The following SUCLG2 variants were observed in gnomAD, a reference collection of about 807,000 sequenced individuals.
The protein encoded by SUCLG2 is succinate--CoA ligase [GDP-forming] subunit beta, mitochondrial.
Under a neutral mutation model 47.9 loss-of-function variants are expected in SUCLG2, and 42 were observed. That is an observed-to-expected ratio of 0.88 (90% CI 0.69 to 1.14). The LOEUF (loss-of-function observed/expected upper bound fraction) is 1.14, where lower values mean the gene tolerates loss of function less well. SUCLG2 is among the 50% of genes most tolerant of loss of function. The probability of loss-of-function intolerance (pLI) is 0.00; values close to 1 mark genes in which losing one functional copy is unlikely to be tolerated. For synonymous variants in SUCLG2, 195 were observed against 197.3 expected, an observed-to-expected ratio of 0.99 and a Z score of 0.10; for missense variants, 571 against 525.9, an observed-to-expected ratio of 1.09 and a Z score of -0.84.
chr3:67,637,471 C>T (rs981811072), intron 1 of SUCLG2, among the ~76,000 whole-genome samples: 5 of 152,154 alleles, frequency 3.3e-5, no homozygotes, highest in African/African-American at 9.7e-5. Context: ...GTGAGTCCTT[C>T]AAAAGCTAGG....
At chr3:67,374,285 T>C (rs185273682), downstream of SUCLG2, among the ~76,000 whole-genome samples, 1 of 152,332 alleles carries the variant, frequency 6.6e-6, no homozygotes, top group East Asian at 1.9e-4. Context: ...CAATAATGAC[T>C]TTCATACTTT....
intron 2 of SUCLG2, among the ~76,000 whole-genome samples, chr3:67,551,834 C>T (rs1156484031): frequency 6.6e-6 from 1 of 152,118 alleles, no homozygotes; most frequent in African/African-American, 2.4e-5. Flanking sequence ...TTTATCTTCA[C>T]AGCAGTCCTC....
chr3:67,470,995 T>C (rs1704590694), intron 9 of SUCLG2, among the ~76,000 whole-genome samples: 1 of 152,014 alleles, frequency 6.6e-6, no homozygotes, highest in African/African-American at 2.4e-5. Flanking sequence ...GGGTGATGGG[T>C]TACGCAAAAA....
chr3:67,393,496 C>A, intron 10 of SUCLG2, among the ~76,000 whole-genome samples: 1 of 152,210 alleles, frequency 6.6e-6, no homozygotes. Flanking sequence ...CCCAGGCTTG[C>A]TTACGTAAAC....
intron 10 of SUCLG2, among the ~76,000 whole-genome samples, chr3:67,395,373 C>G (rs1702499852): frequency 6.6e-6 from 1 of 152,138 alleles, no homozygotes; most frequent in Non-Finnish European, 1.5e-5. Flanking sequence ...GGTTGCAATC[C>G]TAGTCTCTGA....
chr3:67,462,139 C>G (rs774694222), intron 9 of SUCLG2, among the ~76,000 whole-genome samples: 1 of 152,120 alleles, frequency 6.6e-6, no homozygotes, highest in Non-Finnish European at 1.5e-5. Flanking sequence ...CACTTTAGGT[C>G]TCAGAAGCAA....
At position 67,375,255 on chromosome 3, in the gene SUCLG2, A is replaced by C; in HGVS notation, c.*489T>G. On this transcript the variant is annotated 3_prime_UTR_variant, in exon 11 of 11. Transcript: ENST00000307227. ...TAGTGTGTAATAGCTATTTGCTTGAATGTCTTAGCAGTGCCTTTTTAGTAG... is the reference window on the plus strand; with the variant it reads ...TAGTGTGTAATAGCTATTTGCTTGACTGTCTTAGCAGTGCCTTTTTAGTAG... The C allele has an allele frequency of 1.0e-6, 1 of 985,870 alleles. No homozygotes were observed. The highest frequency in any genetic ancestry group is 1.2e-6 in the Non-Finnish European group (1 of 829,934). The allele number at this position is 985,870 out of a possible 1,614,324, so 61.1% of individuals were successfully genotyped here. A position where few individuals can be genotyped will look rare whatever the true frequency, so the allele number is the denominator to read the frequency against.
chr3:67,599,995 GTTAC>G (rs1397790059), intron 2 of SUCLG2, among the ~76,000 whole-genome samples: 1 of 152,170 alleles, frequency 6.6e-6, no homozygotes, highest in African/African-American at 2.4e-5. Flanking sequence ...GCCAATGCCT[GTTAC>G]AACCACCTTG....
chr3:67,592,990 T>C (rs1416644306), intron 2 of SUCLG2, among the ~76,000 whole-genome samples: 2 of 152,318 alleles, frequency 1.3e-5, no homozygotes, highest in Middle Eastern at 3.4e-3. Context: ...TGAGCCTAGG[T>C]AGCCAATGAA....
chr3:67,384,852 G>A (rs1173079620), intron 10 of SUCLG2, among the ~76,000 whole-genome samples: 1 of 152,216 alleles, frequency 6.6e-6, no homozygotes, highest in East Asian at 1.9e-4. Context: ...GCACTGCTCA[G>A]GCAGCCACTG....
intron 2 of SUCLG2, among the ~76,000 whole-genome samples, chr3:67,558,952 T>C (rs779888711): frequency 2.1e-4 from 32 of 152,130 alleles, no homozygotes; most frequent in South Asian, 6.2e-4. Context: ...CAAGACCCTA[T>C]TCAAGATAAG....
chr3:67,618,624 A>C (rs1700674247), intron 1 of SUCLG2, among the ~76,000 whole-genome samples: 1 of 152,176 alleles, frequency 6.6e-6, no homozygotes, highest in Admixed American at 6.5e-5. Context: ...CTATTATCAC[A>C]TCTGACTTTT....
chr3:67,371,694 C>T (rs906445294), downstream of SUCLG2, among the ~76,000 whole-genome samples: 16 of 152,172 alleles, frequency 1.1e-4, no homozygotes, highest in African/African-American at 3.9e-4. Context: ...TTCAAGAACC[C>T]AGCTTGCTAA....
chr3:67,632,237 C>A (rs1199496525), intron 1 of SUCLG2, among the ~76,000 whole-genome samples: 1 of 152,110 alleles, frequency 6.6e-6, no homozygotes, highest in Non-Finnish European at 1.5e-5. Flanking sequence ...GACTGGAGTG[C>A]ACTGGTGCGA....
chr3:67,646,580 G>A (rs1318962530), intron 1 of SUCLG2, among the ~76,000 whole-genome samples: 1 of 152,070 alleles, frequency 6.6e-6, no homozygotes, highest in African/African-American at 2.4e-5. Flanking sequence ...GGGCAAGAGA[G>A]TGAGACTCTG....
chr3:67,441,149 T>C (rs1158346813), intron 9 of SUCLG2, among the ~76,000 whole-genome samples: 2 of 151,960 alleles, frequency 1.3e-5, no homozygotes, highest in East Asian at 3.9e-4. Context: ...CACTGCATGT[T>C]CTCACTCATA....
At chr3:67,396,740 C>T (rs115533068) in intron 10 of SUCLG2, among the ~76,000 whole-genome samples, 10,982 of 152,136 alleles carry the variant, frequency 0.072, 406 homozygotes, top group Middle Eastern at 0.14. Context: ...TTTAGACCAA[C>T]GTTCTTGATG....
At chr3:67,393,436 G>A (rs1028919739) in intron 10 of SUCLG2, among the ~76,000 whole-genome samples, 13 of 152,232 alleles carry the variant, frequency 8.5e-5, no homozygotes, top group African/African-American at 3.1e-4. Context: ...AGCAGTCTGA[G>A]ATCAAACTGC....
intron 10 of SUCLG2, among the ~76,000 whole-genome samples, chr3:67,397,324 G>C (rs1702554762): frequency 6.6e-6 from 1 of 151,766 alleles, no homozygotes; most frequent in Non-Finnish European, 1.5e-5. Flanking sequence ...CTTCAGCAAA[G>C]TCTCAGGATA....
Sources: allele counts gnomAD v4.1 joint callset (sites outside exome capture counted in the v4.1 genomes callset), GRCh38; gene constraint gnomAD v4.1.1; transcripts MANE v1.5; gene names NCBI Gene and HGNC (gene_info 2026-07-23, HGNC 2026-07-21).